The following VPS13D variants were observed in gnomAD, a reference collection of about 807,000 sequenced individuals.
VPS13D encodes intermembrane lipid transfer protein VPS13D.
VPS13D carries 187 observed loss-of-function variants against 461.9 expected under a neutral mutation model. That is an observed-to-expected ratio of 0.40 (90% confidence interval 0.36 to 0.46). The LOEUF (loss-of-function observed/expected upper bound fraction) is 0.46. Among genes scored for constraint, VPS13D ranks in the 20% least tolerant of loss-of-function variants. The probability of loss-of-function intolerance (pLI) is 0.60; values close to 1 mark genes in which losing one functional copy is unlikely to be tolerated. For synonymous variants in VPS13D, 1,951 were observed against 1,986.3 expected (o/e 0.98, Z 0.47); for missense variants, 4,711 against 5,364.9 (o/e 0.88, Z 3.81).
chr1:12,308,434 A>T lies in VPS13D; in HGVS notation c.6443A>T (p.Asp2148Val). 1 of 1,614,046 alleles carries T rather than the reference A, an allele frequency of 6.2e-7. No individual in the cohort carries two copies. The highest frequency in any genetic ancestry group is 8.5e-7 in the Non-Finnish European group (1 of 1,180,014). The change falls in exon 27 of 70, where the codon GAC becomes GTC. Residue 2148 changes from aspartate (D) to valine (V), a missense_variant. By Grantham distance (152) the Asp-to-Val change is radical (BLOSUM62 -3). Coordinates refer to ENST00000620676, the MANE Select transcript of VPS13D (RefSeq NM_015378.4). ...CTCTTTCCTTGGGTCCTTGTAGAAG[A>T]CCATGTCTGCCTGCTGGATTGCGTT... ...SVGQESSSPE[D>V]HVCLLDCVVV...
At chr1:12,438,528 T>C (rs549197070) in intron 65 of VPS13D, among the ~76,000 whole-genome samples, 1 of 152,336 alleles carries the variant, frequency 6.6e-6, no homozygotes, top group African/African-American at 2.4e-5. Context: ...GCTGTTTCTT[T>C]AAAATTTTCT....
chr1:12,294,682 C>T (rs549871531), intron 24 of VPS13D, among the ~76,000 whole-genome samples: 3 of 152,070 alleles, frequency 2.0e-5, no homozygotes, highest in South Asian at 2.1e-4. Flanking sequence ...CATGGTGGCA[C>T]GTGCCTGTAG....
chr1:12,414,944 G>A, intron 63 of VPS13D, 143 bp from the exon 64 acceptor site: 1 of 942,202 alleles, frequency 1.1e-6, no homozygotes, highest in South Asian at 1.9e-5. Flanking sequence ...TAGTTATAGG[G>A]AAAATCCTTA....
At chr1:12,232,006 G>A (rs905004971) in intron 1 of VPS13D, among the ~76,000 whole-genome samples, 71 of 152,098 alleles carry the variant, frequency 4.7e-4, no homozygotes, top group Non-Finnish European at 5.1e-4. Context: ...AGAAAAAAAA[G>A]TTACAATAGA....
At chr1:12,374,353 A>C (rs1334524341) in intron 55 of VPS13D, among the ~76,000 whole-genome samples, 1 of 152,170 alleles carries the variant, frequency 6.6e-6, no homozygotes, top group Non-Finnish European at 1.5e-5. Context: ...CAAGTGTAGA[A>C]AGTTTGACAT....
intron 24 of VPS13D, among the ~76,000 whole-genome samples, chr1:12,298,481 A>T (rs1411360544): frequency 6.6e-6 from 1 of 152,112 alleles, no homozygotes; most frequent in Non-Finnish European, 1.5e-5. Context: ...CTCTCCTAAA[A>T]ATACAAAAAA....
chr1:12,341,956 C>A, intron 41 of VPS13D, 71 bp downstream of exon 41: 1 of 1,417,878 alleles, frequency 7.1e-7, no homozygotes. Flanking sequence ...CCCAGTAGAG[C>A]AAGGTGGGCC....
intron 67 of VPS13D, among the ~76,000 whole-genome samples, chr1:12,466,299 C>G (rs1226904133): frequency 6.6e-6 from 1 of 152,098 alleles, no homozygotes; most frequent in Non-Finnish European, 1.5e-5. Flanking sequence ...TGAATTGAGC[C>G]TTTAGGGAAC....
chr1:12,404,161 G>T (rs1570105210), intron 63 of VPS13D, among the ~76,000 whole-genome samples, 188 bp downstream of exon 63: 8 of 127,792 alleles, frequency 6.3e-5, no homozygotes, highest in East Asian at 2.5e-4. Context: ...ACGTGTATTT[G>T]TCTTTAAAAA....
intron 60 of VPS13D, among the ~76,000 whole-genome samples, chr1:12,398,405 A>G (rs1644528228): frequency 6.6e-6 from 1 of 151,180 alleles, no homozygotes; most frequent in Non-Finnish European, 1.5e-5. Context: ...TGTTGCCAAC[A>G]TAATTTAACT....
rs539673858 is a variant in VPS13D, at chr1:12,356,019, G to A, written c.9800G>A (p.Arg3267Gln). The A allele has an allele frequency of 6.8e-6, 11 of 1,614,044 alleles. No homozygotes were observed. The highest frequency in any genetic ancestry group is 3.3e-5 in the South Asian group (3 of 91,062). ...CGTCGGCAGCTGAACCTCACCATCC[G>A]GATTGTGTGTCGAGCAGAAGGATCC... is the stretch of plus-strand genomic sequence containing the variant. The part of the protein sequence containing the change: ...VNRRQLNLTI[R>Q]IVCRAEGSLK... The change falls in exon 48 of 70, where the codon CGG becomes CAG. Residue 3267 changes from arginine to glutamine, a missense_variant. This residue lies in a region of VPS13D where 4,411 missense variants were observed against 4,937.8 expected (regional missense o/e 0.89). Coordinates refer to ENST00000620676, the MANE Select transcript of VPS13D (RefSeq NM_015378.4).
At chr1:12,431,649 C>G (rs781173657) in intron 65 of VPS13D, among the ~76,000 whole-genome samples, 5 of 151,430 alleles carry the variant, frequency 3.3e-5, no homozygotes, top group Non-Finnish European at 4.4e-5. Context: ...TCATACTCGT[C>G]TTGGTATCTT....
intron 65 of VPS13D, among the ~76,000 whole-genome samples, chr1:12,441,768 AAGCGAT>A (rs1645134754): frequency 6.6e-6 from 1 of 152,208 alleles, no homozygotes; most frequent in Non-Finnish European, 1.5e-5. Context: ...TTTTCTGTTT[AAGCGAT>A]AGCAGTCATT....
intron 55 of VPS13D, among the ~76,000 whole-genome samples, chr1:12,378,130 G>T (rs1644226178): frequency 6.6e-6 from 1 of 151,972 alleles, no homozygotes; most frequent in Non-Finnish European, 1.5e-5. Context: ...CCCGCCATTT[G>T]TTTCTAATTT....
chr1:12,405,805 G>A (rs1273252224), intron 63 of VPS13D, among the ~76,000 whole-genome samples: 1 of 152,188 alleles, frequency 6.6e-6, no homozygotes, highest in Non-Finnish European at 1.5e-5. Context: ...GCAAACCAAT[G>A]TGAAGCATTT....
chr1:12,508,352 G>T (rs1227046016), intron 69 of VPS13D, among the ~76,000 whole-genome samples: 2 of 152,066 alleles, frequency 1.3e-5, no homozygotes, highest in Admixed American at 6.6e-5. Context: ...AGTTATGGCC[G>T]TGGGGGGGAG....
In VPS13D at chr1:12,505,777, G is replaced by C. The variant is rs750960796; in HGVS notation, c.12795-1076G>C. Among the ~76,000 whole-genome samples the C allele has an allele frequency of 6.6e-6, 1 of 152,220 alleles. No homozygotes were observed. Among genetic ancestry groups the C allele is most frequent in the South Asian group, 2.1e-4 (1 of 4,828 alleles). The stretch of plus-strand genomic sequence containing the variant: ...AGAAGTTAGAACCTGTGATCCTTGC[G>C]GGGAGGGGGATGGGATCTAGAGAAG... On this transcript the variant is annotated intron_variant, in intron 68 of 69. Transcript: ENST00000620676. This position sits in a 1 kb window ranked among gnomAD's most constrained non-coding sequence, Gnocchi z 4.2.
Position 12,261,183 on chromosome 1 carries a change from C to T in VPS13D, c.1414+34C>T, listed in dbSNP as rs761060345. 1.2e-5 allele frequency: 20 copies of T among 1,608,774 alleles called. No homozygotes were observed. The Admixed American group carries it at 2.8e-4, about 23-fold the overall frequency. On this transcript the variant is annotated intron_variant, in intron 12 of 69. Coordinates refer to ENST00000620676, the MANE Select transcript of VPS13D (RefSeq NM_015378.4). ...GGAGCTGGCCTTCACTTGATTCAAACAAATTCGTCTGTTATTTGTGCAACA... is the reference window on the plus strand; with the variant it reads ...GGAGCTGGCCTTCACTTGATTCAAATAAATTCGTCTGTTATTTGTGCAACA...
intron 68 of VPS13D, among the ~76,000 whole-genome samples, chr1:12,498,365 G>A (rs1645988736): frequency 6.6e-6 from 1 of 152,196 alleles, no homozygotes; most frequent in South Asian, 2.1e-4. Flanking sequence ...TGCTGTGGGT[G>A]TTTTTCGGTG....
Sources: gnomAD v4.1 joint callset for allele counts (sites outside exome capture counted in the v4.1 genomes callset) on GRCh38, gnomAD v4.1.1 for gene constraint, gnomAD v4.1.1 regional missense constraint, Gnocchi (gnomAD v3.1) non-coding constraint, MANE v1.5 for transcripts, NCBI Gene and HGNC (gene_info 2026-07-23, HGNC 2026-07-21) for gene names.